PPP1R12A: variants seen among roughly 807,000 people sequenced by gnomAD.
PPP1R12A encodes the protein myosin binding subunit.
PPP1R12A carries 19 observed loss-of-function variants against 139.6 expected under a neutral mutation model. That is an observed-to-expected ratio of 0.14 (90% CI 0.09 to 0.20). The LOEUF (loss-of-function observed/expected upper bound fraction) is 0.20. Among genes scored for constraint, PPP1R12A ranks in the 10% least tolerant of loss-of-function variants. PPP1R12A has a pLI of 1.00. For missense variants in PPP1R12A, 925 were observed against 1,211.5 expected (o/e 0.76, Z 3.51); for synonymous variants, 427 against 420.6 (o/e 1.02, Z -0.19).
At chr12:79,865,748 A>G (rs368907434) in intron 2 of PPP1R12A, among the ~76,000 whole-genome samples, 20 of 152,318 alleles carry the variant, frequency 1.3e-4, no homozygotes, top group African/African-American at 4.8e-4. Context: ...ACACCTAGGA[A>G]TACAACTTAT....
intron 1 of PPP1R12A, among the ~76,000 whole-genome samples, chr12:79,934,411 A>C (rs1888504491): frequency 6.6e-6 from 1 of 152,102 alleles, no homozygotes; most frequent in Admixed American, 6.5e-5. Context: ...TTATCCACGA[A>C]TGGCCCTGGG....
At position 79,785,257 on chromosome 12, in the gene PPP1R12A, A is replaced by G. The variant is rs895140277; in HGVS notation, c.2907+1117T>C. On this transcript the variant is annotated intron_variant, in intron 22 of 24. Coordinates refer to ENST00000450142, the MANE Select transcript of PPP1R12A (RefSeq NM_002480.3). ...TTTTACTTTTCTGTTTATCTTTACAAAAACCTCCATTAACATGAAGGAATT... is the reference window on the plus strand; with the variant it reads ...TTTTACTTTTCTGTTTATCTTTACAGAAACCTCCATTAACATGAAGGAATT... 9.2e-5 allele frequency among the ~76,000 whole-genome samples: 14 copies of G among 152,270 alleles called. No individual in the cohort carries two copies. In the South Asian group the frequency reaches 1.0e-3, roughly 11 times the overall value.
intron 9 of PPP1R12A, among the ~76,000 whole-genome samples, chr12:79,816,421 G>T (rs1266014322): frequency 6.6e-6 from 1 of 151,998 alleles, no homozygotes; most frequent in East Asian, 1.9e-4. Flanking sequence ...AAAAAAAAAG[G>T]TATGTGTGGA....
At chr12:79,881,205 A>G (rs1201389895) in intron 1 of PPP1R12A, among the ~76,000 whole-genome samples, 1 of 152,184 alleles carries the variant, frequency 6.6e-6, no homozygotes, top group Non-Finnish European at 1.5e-5. Context: ...TGTGTCTCTC[A>G]TTTTAAATTA....
At chr12:79,841,810 T>G (rs1180415772) in intron 3 of PPP1R12A, among the ~76,000 whole-genome samples, 1 of 152,234 alleles carries the variant, frequency 6.6e-6, no homozygotes, top group Non-Finnish European at 1.5e-5. Flanking sequence ...TACTCAATTC[T>G]AGAAGATCCT....
At chr12:79,786,578 G>A in intron 21 of PPP1R12A, 100 bp from the exon 22 acceptor site, 1 of 701,128 alleles carries the variant, frequency 1.4e-6, no homozygotes, top group Middle Eastern at 4.0e-4. Flanking sequence ...GCTTAATGTA[G>A]CATATGAGCT....
chr12:79,908,656 T>C (rs2137512848), intron 1 of PPP1R12A, among the ~76,000 whole-genome samples: 1 of 152,326 alleles, frequency 6.6e-6, no homozygotes, highest in African/African-American at 2.4e-5. Flanking sequence ...TTACACAATG[T>C]CTTCTGATAT....
intron 14 of PPP1R12A, among the ~76,000 whole-genome samples, chr12:79,799,241 C>T (rs999321502): frequency 6.6e-6 from 1 of 152,022 alleles, no homozygotes; most frequent in African/African-American, 2.4e-5. Flanking sequence ...CTCTGCCTCC[C>T]GGGTTCAAGT....
intron 1 of PPP1R12A, among the ~76,000 whole-genome samples, chr12:79,877,369 G>T (rs1235637680): frequency 6.6e-6 from 1 of 152,132 alleles, no homozygotes; most frequent in East Asian, 1.9e-4. Context: ...GTGGTTAAAA[G>T]AAAGAGGTTT....
In PPP1R12A at chr12:79,775,087, A is replaced by G. The variant is rs11114244; in HGVS notation, c.*842T>C. 3.7e-4 allele frequency: 57 copies of G among 152,686 alleles called. No individual in the cohort carries two copies. Among genetic ancestry groups the G allele is most frequent in the African/African-American group, 1.3e-3 (56 of 41,576 alleles). The allele number at this position is 152,686 out of a possible 1,614,324, so 9.5% of individuals were successfully genotyped here. A position where few individuals can be genotyped will look rare whatever the true frequency, so the allele number is the denominator to read the frequency against. On this transcript the variant is annotated 3_prime_UTR_variant, in exon 25 of 25. Transcript: ENST00000450142. ...ATGTGGTGGTCTAAAAATCAAAACAATACACTTATTTGTATATACAGCATC... is the reference window on the plus strand; with the variant it reads ...ATGTGGTGGTCTAAAAATCAAAACAGTACACTTATTTGTATATACAGCATC...
intron 1 of PPP1R12A, among the ~76,000 whole-genome samples, chr12:79,873,993 A>G (rs2137340908): frequency 6.6e-6 from 1 of 152,216 alleles, no homozygotes; most frequent in African/African-American, 2.4e-5. Flanking sequence ...AAAGCAATTA[A>G]CGCCAGGCGC....
At chr12:79,913,176 G>A (rs1412537628) in intron 1 of PPP1R12A, among the ~76,000 whole-genome samples, 1 of 152,162 alleles carries the variant, frequency 6.6e-6, no homozygotes, top group East Asian at 1.9e-4. Flanking sequence ...GTATTTTGTT[G>A]TTTAAAACAC....
At chr12:79,881,554 C>A (rs1390437410) in intron 1 of PPP1R12A, among the ~76,000 whole-genome samples, 2 of 152,156 alleles carry the variant, frequency 1.3e-5, no homozygotes, top group Non-Finnish European at 2.9e-5. Flanking sequence ...GAAGTTGATT[C>A]ATGAGGTTTA....
chr12:79,892,687 T>TAAAA (rs1884766608), intron 1 of PPP1R12A, among the ~76,000 whole-genome samples: 1 of 152,180 alleles, frequency 6.6e-6, no homozygotes. Flanking sequence ...CCTGAATTTT[T>TAAAA]AATCTGCCTC....
intron 2 of PPP1R12A, among the ~76,000 whole-genome samples, chr12:79,848,594 G>A (rs1879680047): frequency 6.6e-6 from 1 of 152,074 alleles, no homozygotes; most frequent in South Asian, 2.1e-4. Context: ...CTGCTGGCAG[G>A]AAGCAGCGCC....
chr12:79,848,705 T>C (rs1879697148), intron 2 of PPP1R12A: 1 of 152,152 alleles, frequency 6.6e-6, no homozygotes, highest in African/African-American at 2.4e-5. Flanking sequence ...TCTCCTGCAC[T>C]CTAGAACTAT....
chr12:79,872,119 T>A (rs1310908562), intron 2 of PPP1R12A, among the ~76,000 whole-genome samples: 1 of 151,932 alleles, frequency 6.6e-6, no homozygotes, highest in African/African-American at 2.4e-5. Flanking sequence ...ATTTACAGAG[T>A]AGAATTCCCA....
At chr12:79,834,855 C>G (rs1877880423) in intron 3 of PPP1R12A, among the ~76,000 whole-genome samples, 1 of 152,162 alleles carries the variant, frequency 6.6e-6, no homozygotes, top group Non-Finnish European at 1.5e-5. Context: ...CCCTCAATTA[C>G]CTAGCAACCT....
At chr12:79,838,075 T>C (rs1878295016) in intron 3 of PPP1R12A, among the ~76,000 whole-genome samples, 2 of 152,200 alleles carry the variant, frequency 1.3e-5, no homozygotes, top group Admixed American at 6.5e-5. Flanking sequence ...GTTTGGAACT[T>C]CCTAGAGACT....
Sources: gnomAD v4.1 joint callset for allele counts (sites outside exome capture counted in the v4.1 genomes callset) on GRCh38, gnomAD v4.1.1 for gene constraint, MANE v1.5 for transcripts, NCBI Gene and HGNC (gene_info 2026-07-23, HGNC 2026-07-21) for gene names.